CFAP73: variants seen among roughly 807,000 people sequenced by gnomAD.
CFAP73 encodes cilia and flagella associated protein 73.
A neutral mutation model predicts 42.9 loss-of-function variants in CFAP73; 33 were observed. The ratio of observed to expected loss-of-function variants is 0.77; its 90% CI spans 0.58 to 1.03. The LOEUF is 1.03. CFAP73 is among the 50% of genes least tolerant of loss of function. The probability of loss-of-function intolerance (pLI) is 0.00; values close to 1 mark genes in which losing one functional copy is unlikely to be tolerated. For synonymous variants in CFAP73, 162 were observed against 186.8 expected (o/e 0.87, Z 1.08); for missense variants, 392 against 411.9 (o/e 0.95, Z 0.42).
intron 5 of CFAP73, 85 bp from the exon 6 acceptor site, chr12:113,155,175 G>GAAAA: frequency 6.5e-6 from 7 of 1,069,032 alleles, no homozygotes; most frequent in Non-Finnish European, 7.6e-6. Flanking sequence ...ATCTCAAAAA[G>GAAAA]AAAAAAAAAA....
Position 113,155,318 on chromosome 12 carries a change from G to T in CFAP73, c.749G>T (p.Arg250Leu). ...GCGGAGAAGACTCTGCTCCTGGGAC[G>T]CAGCAGGATGGCTGTGCTCAACCTG... ...TAAEKTLLLG[R>L]SRMAVLNLFQ... Residue 250 changes from arginine to leucine, a missense_variant, in exon 6 of 8, where the codon CGC becomes CTC. Coordinates refer to ENST00000335621, the MANE Select transcript of CFAP73 (RefSeq NM_001144872.3). 1.3e-6 allele frequency: 2 copies of T among 1,550,866 alleles called. No individual in the cohort carries two copies. The highest frequency in any genetic ancestry group is 1.7e-6 in the Non-Finnish European group (2 of 1,146,362).
chr12:113,152,973 A>G, intron 3 of CFAP73, 86 bp downstream of exon 3: 1 of 1,020,266 alleles, frequency 9.8e-7, no homozygotes, highest in Non-Finnish European at 1.5e-6. Context: ...CAAAAATAAA[A>G]GAAGTGGTTT....
In CFAP73 at chr12:113,157,667, CCCTG is replaced by C. The variant is rs766861972; in HGVS notation, c.919_922del (p.Ala307ProfsTer7). The C allele has an allele frequency of 5.0e-5, 77 of 1,551,538 alleles. No homozygotes were observed. The East Asian group carries it at 1.9e-3, about 38-fold the overall frequency. ...GCCTGGGTCAGGCTGAGCCTGCAGCCCCTGCCTCCTAGCCCTGACACAGGTGAGC... is the reference window on the plus strand; with the variant it reads ...GCCTGGGTCAGGCTGAGCCTGCAGCCCCTCCTAGCCCTGACACAGGTGAGC... On this transcript the variant is annotated frameshift_variant, in exon 7 of 8. Transcript: ENST00000335621. LOFTEE classifies it high-confidence loss of function.
chr12:113,152,330 A>AT (rs1366814550), intron 2 of CFAP73, among the ~76,000 whole-genome samples: 1 of 152,236 alleles, frequency 6.6e-6, no homozygotes, highest in Non-Finnish European at 1.5e-5. Context: ...AGCACTGGGC[A>AT]GGGGCTGTGG....
At position 113,154,269 on chromosome 12, in the gene CFAP73, C is replaced by T; in HGVS notation, c.469-145C>T. 3 of 1,015,842 alleles carry T rather than the reference C, an allele frequency of 3.0e-6. No homozygotes were observed. Among genetic ancestry groups the T allele is most frequent in the Non-Finnish European group, 4.3e-6 (3 of 692,966 alleles). 62.9% of individuals were successfully genotyped at this position (1,015,842 alleles called of 1,614,324 possible). A position where few individuals can be genotyped will look rare whatever the true frequency, so the allele number is the denominator to read the frequency against. On this transcript the variant is annotated intron_variant, in intron 4 of 7. Coordinates refer to ENST00000335621, the MANE Select transcript of CFAP73 (RefSeq NM_001144872.3). This position sits in a 1 kb window ranked among gnomAD's most constrained non-coding sequence, Gnocchi z 4.7. ...CTCCAGCCCAGGTGACAGAGCGAGA[C>T]CTTGTCTCTAACAAATGGAGGTTGA...
At chr12:113,156,816 C>G (rs768269639) in intron 6 of CFAP73, 1 of 152,110 alleles carries the variant, frequency 6.6e-6, no homozygotes, top group Non-Finnish European at 1.5e-5. Flanking sequence ...AATCTGTAAC[C>G]GGTTGTAATT....
Position 113,152,081 on chromosome 12 carries a change from A to C in CFAP73, c.162+58A>C, listed in dbSNP as rs529530914. 1.0e-4 allele frequency: 124 copies of C among 1,234,032 alleles called. 1 individual carries two copies. In the East Asian group the frequency reaches 2.8e-3, roughly 28 times the overall value. The allele number at this position is 1,234,032 out of a possible 1,614,324, so 76.4% of individuals were successfully genotyped here. On this transcript the variant is annotated intron_variant, in intron 2 of 7. Coordinates refer to ENST00000335621, the MANE Select transcript of CFAP73 (RefSeq NM_001144872.3). ...CTGGTGGATGGGAAGTGATGGAGCC[A>C]ATTTATTAGTGACAAGGTCTGAGAC...
intron 1 of CFAP73, among the ~76,000 whole-genome samples, chr12:113,151,407 G>A (rs1952059857): frequency 6.6e-6 from 1 of 152,020 alleles, no homozygotes; most frequent in Non-Finnish European, 1.5e-5. Flanking sequence ...GCTTGAACCT[G>A]GAAGGCGGGA....
In CFAP73 at chr12:113,154,408, CTCTAGTTCCAAGAGGT is replaced by C; in HGVS notation, c.469-3_481del. The C allele has an allele frequency of 6.5e-7, 1 of 1,548,662 alleles. No homozygotes were observed. ...ATGTGAGTCCCTTCCCCGCCCCCGA[CTCTAGTTCCAAGAGGT>C]TCCGGAGCTGGTGGCGCGCTTCGAC... On this transcript the variant is annotated splice_acceptor_variant and splice_polypyrimidine_tract_variant and coding_sequence_variant and intron_variant, in exon 5 of 8. Coordinates refer to ENST00000335621, the MANE Select transcript of CFAP73 (RefSeq NM_001144872.3). LOFTEE classifies it high-confidence loss of function. The surrounding 1 kb of genome is among the most constrained non-coding windows in gnomAD (Gnocchi z 4.7).
rs1294567374 is a variant in CFAP73, at chr12:113,153,467, GGGACGGC to G, written c.468+60_468+66del. 3.9e-4 allele frequency: 516 copies of G among 1,326,652 alleles called. 5 individuals are homozygous for G. The highest frequency in any genetic ancestry group is 9.7e-5 in the Non-Finnish European group (100 of 1,029,012). The allele number at this position is 1,326,652 out of a possible 1,614,324, so 82.2% of individuals were successfully genotyped here. ...CCACCGCGTGGCGCTGAGTGGCTCA[GGGACGGC>G]TTCGGACCGGCGAACTACTGGTTCG... On this transcript the variant is annotated intron_variant, in intron 4 of 7. Coordinates refer to ENST00000335621, the MANE Select transcript of CFAP73 (RefSeq NM_001144872.3).
At position 113,154,467 on chromosome 12, in the gene CFAP73, G is replaced by A. The variant is rs994258229; in HGVS notation, c.522G>A (p.Gln174=). Residue 174 remains glutamine (Q), a synonymous_variant, in exon 5 of 8, where the codon CAG becomes CAA. Transcript: ENST00000335621. This position sits in a 1 kb window ranked among gnomAD's most constrained non-coding sequence, Gnocchi z 4.7. The stretch of plus-strand genomic sequence containing the variant: ...GCTTCGACGGCCTGGCCGAGACGCA[G>A]GCGGCGCTGAGGCTCAGGGAGCGCG... ...VARFDGLAET[Q]AALRLREREQ... 6 of 1,546,062 alleles carry A rather than the reference G, an allele frequency of 3.9e-6. No homozygotes were observed. The highest frequency in any genetic ancestry group is 5.2e-6 in the Non-Finnish European group (6 of 1,145,612).
At position 113,149,755 on chromosome 12, in the gene CFAP73, G is replaced by A. The variant is rs1405278846; in HGVS notation, c.-103G>A. The A allele has an allele frequency of 6.6e-6, 8 of 1,214,664 alleles. No homozygotes were observed. The highest frequency in any genetic ancestry group is 9.4e-6 in the Non-Finnish European group (8 of 853,670). 75.2% of individuals were successfully genotyped at this position (1,214,664 alleles called of 1,614,324 possible). A position where few individuals can be genotyped will look rare whatever the true frequency, so the allele number is the denominator to read the frequency against. ...TGCTGGTGGCTGCCTTCTGGGCCGAGCTGAGCAGGCTTCCACACCACGCTC... is the reference window on the plus strand; with the variant it reads ...TGCTGGTGGCTGCCTTCTGGGCCGAACTGAGCAGGCTTCCACACCACGCTC... On this transcript the variant is annotated 5_prime_UTR_variant, in exon 1 of 8. Coordinates refer to ENST00000335621, the MANE Select transcript of CFAP73 (RefSeq NM_001144872.3).
rs924261780 is a variant in CFAP73, at chr12:113,151,997, G to T, written c.136G>T (p.Asp46Tyr). The stretch of plus-strand genomic sequence containing the variant: ...GAAGAGGCAAGAGCTGGTAGATGCA[G>T]ACCAGGCCCTGCAGGCCCAGAAGGA... ...LEKRQELVDA[D>Y]QALQAQKEVF... The change falls in exon 2 of 8, where the codon GAC (aspartate) becomes TAC (tyrosine). Residue 46 changes from aspartate to tyrosine, a missense_variant. By Grantham distance (160) the Asp-to-Tyr change is radical (BLOSUM62 -3). Coordinates refer to ENST00000335621, the MANE Select transcript of CFAP73 (RefSeq NM_001144872.3). 6.4e-7 allele frequency: 1 copy of T among 1,551,400 alleles called. No homozygotes were observed. The highest frequency in any genetic ancestry group is 1.4e-5 in the African/African-American group (1 of 73,036).
intron 2 of CFAP73, 146 bp downstream of exon 2, chr12:113,152,169 G>A (rs1952069849): frequency 4.7e-6 from 3 of 632,864 alleles, no homozygotes; most frequent in Admixed American, 5.3e-5. Flanking sequence ...AATGAGACCA[G>A]TTGTTGGTGC....
intron 6 of CFAP73, 193 bp from the exon 7 acceptor site, chr12:113,157,409 G>T: frequency 1.7e-6 from 1 of 594,082 alleles, no homozygotes; most frequent in Non-Finnish European, 3.0e-6. Context: ...TGGGAAGGTT[G>T]GCCTGAGGCT....
chr12:113,157,970 T>C, intron 7 of CFAP73: 1 of 457,422 alleles, frequency 2.2e-6, no homozygotes, highest in Non-Finnish European at 4.0e-6. Context: ...GCCAGGGTGG[T>C]TGGGGCATGA....
In CFAP73 at chr12:113,155,243, G is replaced by T. The variant is rs1474965656; in HGVS notation, c.691-17G>T. 9.9e-6 allele frequency: 15 copies of T among 1,517,926 alleles called. No homozygotes were observed. The highest frequency in any genetic ancestry group is 1.2e-5 in the Non-Finnish European group (14 of 1,122,510). 94.0% of individuals were successfully genotyped at this position (1,517,926 alleles called of 1,614,324 possible). On this transcript the variant is annotated splice_polypyrimidine_tract_variant and intron_variant, in intron 5 of 7. Coordinates refer to ENST00000335621, the MANE Select transcript of CFAP73 (RefSeq NM_001144872.3). Reference sequence around the variant, plus strand: ...GGCCCAGTTGCCATAATTGGGAGTGGGGCGGGTGTTCTCCAGGAATCCAAG... The same window carrying T: ...GGCCCAGTTGCCATAATTGGGAGTGTGGCGGGTGTTCTCCAGGAATCCAAG...
At chr12:113,156,153 CAA>C (rs1487536162) in intron 6 of CFAP73, among the ~76,000 whole-genome samples, 1 of 152,026 alleles carries the variant, frequency 6.6e-6, no homozygotes, top group African/African-American at 2.4e-5. Flanking sequence ...ATCCCAACCT[CAA>C]GTTATCCTCC....
rs1314503401 is a variant in CFAP73 at position 113,155,390 on chromosome 12, T to C, written c.821T>C (p.Ile274Thr). Residue 274 changes from isoleucine (I) to threonine (T), a missense_variant, in exon 6 of 8, where the codon ATC (isoleucine) becomes ACC (threonine). Transcript: ENST00000335621. ...QHQGQPPTLDIEDTEGQLEHV... is the reference protein window; with the variant it reads ...QHQGQPPTLDTEDTEGQLEHV... ...CAGGGGCAGCCTCCCACCCTGGACATCGAGGACACGGAGGGACAGCTAGAG... is the reference window on the plus strand; with the variant it reads ...CAGGGGCAGCCTCCCACCCTGGACACCGAGGACACGGAGGGACAGCTAGAG... The C allele has an allele frequency of 9.7e-6, 15 of 1,550,960 alleles. No individual in the cohort carries two copies. The highest frequency in any genetic ancestry group is 1.4e-5 in the African/African-American group (1 of 73,004).
Sources: gnomAD v4.1 joint callset for allele counts (sites outside exome capture counted in the v4.1 genomes callset) on GRCh38, gnomAD v4.1.1 for gene constraint, Gnocchi (gnomAD v3.1) non-coding constraint, MANE v1.5 for transcripts, NCBI Gene and HGNC (gene_info 2026-07-23, HGNC 2026-07-21) for gene names.